The following OPCML variants were observed in gnomAD, a reference collection of about 807,000 sequenced individuals.
OPCML encodes opioid binding protein/cell adhesion molecule like.
A neutral mutation model predicts 37.8 loss-of-function variants in OPCML; 13 were observed. The ratio of observed to expected loss-of-function variants is 0.34; its 90% CI spans 0.22 to 0.55. OPCML has a LOEUF of 0.55. Among genes scored for constraint, OPCML ranks in the 20% least tolerant of loss-of-function variants. The probability of loss-of-function intolerance (pLI) is 0.91; values close to 1 mark genes in which losing one functional copy is unlikely to be tolerated. For synonymous variants in OPCML, 176 were observed against 168.8 expected, an observed-to-expected ratio of 1.04 and a Z score of -0.33; for missense variants, 341 against 435.6, an observed-to-expected ratio of 0.78 and a Z score of 1.93.
intron 3 of OPCML, among the ~76,000 whole-genome samples, chr11:132,540,716 G>C (rs915787039): frequency 6.6e-6 from 1 of 152,180 alleles, no homozygotes; most frequent in African/African-American, 2.4e-5. Context: ...GCCAGGGGCT[G>C]GGTGACATCA....
Position 132,435,556 on chromosome 11 carries a change from C to G in OPCML, c.916+530G>C, listed in dbSNP as rs369409422. 1.7e-4 allele frequency among the ~76,000 whole-genome samples: 26 copies of G among 151,906 alleles called. No individual in the cohort carries two copies. In the South Asian group the frequency reaches 5.5e-3, roughly 32 times the overall value. On this transcript the variant is annotated intron_variant, in intron 7 of 7. Transcript: ENST00000524381. Reference sequence around the variant, plus strand: ...AGTCCTGGCTCCCAAGCCTTCTCCACCCATATGGGAGGGAAAGATCTTCAG... The same window carrying G: ...AGTCCTGGCTCCCAAGCCTTCTCCAGCCATATGGGAGGGAAAGATCTTCAG...
intron 1 of OPCML, among the ~76,000 whole-genome samples, chr11:133,190,359 T>C (rs1030174468): frequency 6.6e-6 from 1 of 152,212 alleles, no homozygotes; most frequent in African/African-American, 2.4e-5. Flanking sequence ...CTATCAAAAA[T>C]GTTGTGGTAA....
At position 133,304,967 on chromosome 11, in the gene OPCML, G is replaced by T. The variant is rs550836242; in HGVS notation, c.61+227297C>A. Among the ~76,000 whole-genome samples, 4 of 152,222 alleles carry T rather than the reference G, an allele frequency of 2.6e-5. No homozygotes were observed. In the East Asian group the frequency reaches 5.8e-4, roughly 22 times the overall value. On this transcript the variant is annotated intron_variant, in intron 1 of 7. Coordinates refer to ENST00000524381, the MANE Select transcript of OPCML (RefSeq NM_001012393.5). Reference sequence around the variant, plus strand: ...GTGTAAAAAGACCCACCTACACCAAGATATGAACTATAGGAACTACAGTCT... The same window carrying T: ...GTGTAAAAAGACCCACCTACACCAATATATGAACTATAGGAACTACAGTCT...
chr11:132,743,862 T>C (rs1443442537), intron 2 of OPCML, among the ~76,000 whole-genome samples: 2 of 152,220 alleles, frequency 1.3e-5, no homozygotes, highest in Non-Finnish European at 2.9e-5. Flanking sequence ...AAAATGTCTC[T>C]ATTCATTTCT....
intron 1 of OPCML, among the ~76,000 whole-genome samples, chr11:133,392,773 G>C (rs1444274993): frequency 1.3e-5 from 2 of 152,224 alleles, no homozygotes; most frequent in Non-Finnish European, 1.5e-5. Context: ...ATTGCAAAAT[G>C]TGCCCATGGC....
At chr11:132,426,340 G>GCAA (rs112791353) in intron 7 of OPCML, among the ~76,000 whole-genome samples, 2,800 of 152,222 alleles carry the variant, frequency 0.018, 154 homozygotes, top group East Asian at 0.17. Context: ...AAGACACATA[G>GCAA]CAACAACAAC....
At chr11:133,342,413 C>T (rs1473767001) in intron 1 of OPCML, among the ~76,000 whole-genome samples, 3 of 152,174 alleles carry the variant, frequency 2.0e-5, no homozygotes, top group Non-Finnish European at 2.9e-5. Context: ...TACTAGAAAT[C>T]GAAGGCGATC....
chr11:133,345,442 C>G (rs1943976929), intron 1 of OPCML, among the ~76,000 whole-genome samples: 1 of 152,164 alleles, frequency 6.6e-6, no homozygotes, highest in African/African-American at 2.4e-5. Context: ...TCTTGCCACC[C>G]ATCCTTTGTA....
chr11:132,908,633 C>T (rs78099678), intron 2 of OPCML, among the ~76,000 whole-genome samples: 5,365 of 152,258 alleles, frequency 0.035, 309 homozygotes, highest in African/African-American at 0.12. Flanking sequence ...TCACCACCCC[C>T]GGATTGACCA....
chr11:132,978,102 C>T (rs763967199), intron 1 of OPCML, among the ~76,000 whole-genome samples: 6 of 152,076 alleles, frequency 3.9e-5, no homozygotes, highest in Non-Finnish European at 7.4e-5. Context: ...CGGATGCCGG[C>T]GGGCTAAATA....
At chr11:133,059,925 AT>A (rs1281140731) in intron 1 of OPCML, among the ~76,000 whole-genome samples, 1 of 152,192 alleles carries the variant, frequency 6.6e-6, no homozygotes, top group East Asian at 1.9e-4. Context: ...AAAGAATAGA[AT>A]TTTGGAAAAC....
chr11:133,006,477 A>C, intron 1 of OPCML: 1 of 985,450 alleles, frequency 1.0e-6, no homozygotes. Flanking sequence ...GGATCAAGAA[A>C]GAAAGTTTTA....
intron 1 of OPCML, among the ~76,000 whole-genome samples, chr11:133,290,339 G>C (rs964215664): frequency 6.6e-6 from 1 of 152,144 alleles, no homozygotes; most frequent in Admixed American, 6.5e-5. Context: ...AGCAGAGCGT[G>C]GTGCCTGTAA....
intron 2 of OPCML, among the ~76,000 whole-genome samples, chr11:132,709,033 A>G (rs1223175224): frequency 6.6e-6 from 1 of 152,120 alleles, no homozygotes; most frequent in African/African-American, 2.4e-5. Context: ...TATTTAATAA[A>G]CTTAAAGGGA....
intron 1 of OPCML, among the ~76,000 whole-genome samples, chr11:133,001,424 G>A (rs1947000348): frequency 6.6e-6 from 1 of 152,168 alleles, no homozygotes. Context: ...TGATAAAGAA[G>A]AAGGCTATGT....
chr11:133,514,784 G>A (rs1948229182), intron 1 of OPCML, among the ~76,000 whole-genome samples: 1 of 152,158 alleles, frequency 6.6e-6, no homozygotes, highest in South Asian at 2.1e-4. Context: ...ATTTGTCTGA[G>A]CTGTCACTCT....
At chr11:132,986,436 G>A (rs1304180677) in intron 1 of OPCML, among the ~76,000 whole-genome samples, 1 of 152,128 alleles carries the variant, frequency 6.6e-6, no homozygotes, top group Non-Finnish European at 1.5e-5. Context: ...AATAGAGTAG[G>A]AGAGAAGTCA....
intron 3 of OPCML, among the ~76,000 whole-genome samples, chr11:132,547,282 G>T (rs563359355): frequency 6.6e-6 from 1 of 152,314 alleles, no homozygotes; most frequent in Non-Finnish European, 1.5e-5. Context: ...GGGTGAGAAA[G>T]CTGACCTTGA....
intron 1 of OPCML, among the ~76,000 whole-genome samples, chr11:133,025,715 C>T (rs1947541165): frequency 6.7e-6 from 1 of 148,938 alleles, no homozygotes; most frequent in South Asian, 2.1e-4. Context: ...GCCAAGGTGC[C>T]TGCCGATTTG....
Sources: allele counts gnomAD v4.1 joint callset (sites outside exome capture counted in the v4.1 genomes callset), GRCh38; gene constraint gnomAD v4.1.1; transcripts MANE v1.5; gene names NCBI Gene and HGNC (gene_info 2026-07-23, HGNC 2026-07-21).